UNC5C: variants seen among roughly 807,000 people sequenced by gnomAD.
UNC5C encodes unc-5 netrin receptor C.
In UNC5C, 47 loss-of-function variants were observed where a neutral mutation model predicts 99.8. The observed-to-expected ratio is 0.47, with a 90% CI of 0.37 to 0.60. The LOEUF (loss-of-function observed/expected upper bound fraction) is 0.60, where lower values mean the gene tolerates loss of function less well. UNC5C is among the 20% of genes least tolerant of loss of function. The pLI is 0.00. For missense variants in UNC5C, 1,062 were observed against 1,165.9 expected (o/e 0.91, Z 1.30); for synonymous variants, 487 against 452.2 (o/e 1.08, Z -0.98).
At chr4:95,342,646 G>A (rs1560795414) in intron 1 of UNC5C, among the ~76,000 whole-genome samples, 1 of 151,740 alleles carries the variant, frequency 6.6e-6, no homozygotes, top group Admixed American at 6.6e-5. Flanking sequence ...GAAAAAGGGA[G>A]GGAAGAGTAA....
At chr4:95,182,756 A>G (rs1352359871) in intron 14 of UNC5C, 141 bp downstream of exon 14, 6 of 832,288 alleles carry the variant, frequency 7.2e-6, no homozygotes, top group Non-Finnish European at 1.0e-5. Context: ...TACAAATATT[A>G]TTCTATTAAC....
intron 4 of UNC5C, among the ~76,000 whole-genome samples, chr4:95,257,047 C>T (rs1210581742): frequency 6.6e-6 from 1 of 152,062 alleles, no homozygotes; most frequent in Non-Finnish European, 1.5e-5. Flanking sequence ...ATGTTAATTT[C>T]CTTTGGCAAC....
chr4:95,178,617 C>CTGAT (rs749696782), intron 14 of UNC5C, among the ~76,000 whole-genome samples: 21 of 152,328 alleles, frequency 1.4e-4, no homozygotes, highest in South Asian at 2.1e-4. Flanking sequence ...AAGCCAACCT[C>CTGAT]TGATAGAAGC....
intron 1 of UNC5C, among the ~76,000 whole-genome samples, chr4:95,358,254 T>C (rs1327219680): frequency 3.3e-5 from 5 of 152,200 alleles, no homozygotes; most frequent in Non-Finnish European, 7.3e-5. Context: ...TCTAGATCCA[T>C]GTGTGTCCTT....
chr4:95,296,998 G>C (rs567543562), intron 3 of UNC5C, among the ~76,000 whole-genome samples: 1 of 152,310 alleles, frequency 6.6e-6, no homozygotes, highest in African/African-American at 2.4e-5. Flanking sequence ...ACCCTCAGTG[G>C]TGCAGAGCTG....
intron 1 of UNC5C, among the ~76,000 whole-genome samples, chr4:95,430,704 G>C (rs911124953): frequency 1.3e-5 from 2 of 152,052 alleles, no homozygotes; most frequent in East Asian, 3.9e-4. Flanking sequence ...GTTACTTCAT[G>C]ACCTGTTTTT....
At chr4:95,468,804 C>T (rs924367083) in intron 1 of UNC5C, among the ~76,000 whole-genome samples, 4 of 151,940 alleles carry the variant, frequency 2.6e-5, no homozygotes, top group African/African-American at 4.8e-5. Context: ...TTGACACCTT[C>T]GGTGTTGAAC....
chr4:95,255,003 T>G (rs992274533), intron 4 of UNC5C, among the ~76,000 whole-genome samples: 2 of 152,050 alleles, frequency 1.3e-5, no homozygotes, highest in African/African-American at 2.4e-5. Context: ...TTTGTTTTTT[T>G]TTTTTAAGAC....
intron 1 of UNC5C, among the ~76,000 whole-genome samples, chr4:95,453,181 C>T (rs1747324648): frequency 6.6e-6 from 1 of 152,004 alleles, no homozygotes; most frequent in African/African-American, 2.4e-5. Context: ...ATGCTTTGGG[C>T]AAGGTGCTGG....
At chr4:95,432,168 T>A (rs1746652564) in intron 1 of UNC5C, among the ~76,000 whole-genome samples, 1 of 152,110 alleles carries the variant, frequency 6.6e-6, no homozygotes, top group African/African-American at 2.4e-5. Flanking sequence ...TGGTGTTGAT[T>A]CTTAGATTTT....
chr4:95,270,588 G>C (rs1237989486), intron 4 of UNC5C, among the ~76,000 whole-genome samples: 3 of 152,100 alleles, frequency 2.0e-5, no homozygotes, highest in Non-Finnish European at 4.4e-5. Context: ...TGCTTTTGAG[G>C]GTTGAACATA....
In UNC5C at chr4:95,165,135, T is replaced by C. The variant is rs2149340916; in HGVS notation, c.*4099A>G. On this transcript the variant is annotated 3_prime_UTR_variant, in exon 16 of 16. Coordinates refer to ENST00000453304, the MANE Select transcript of UNC5C (RefSeq NM_003728.4). The stretch of plus-strand genomic sequence containing the variant: ...TGCCAGGAGAAGTGAAAAGTCTTGA[T>C]TCCACCCTCAAAACGTTGACTTTTC... 6.6e-6 allele frequency: 1 copy of C among 152,268 alleles called. No homozygotes were observed. Among genetic ancestry groups the C allele is most frequent in the East Asian group, 1.9e-4 (1 of 5,170 alleles). The allele number at this position is 152,268 out of a possible 1,614,324, so 9.4% of individuals were successfully genotyped here.
chr4:95,426,023 A>G lies in UNC5C; in HGVS notation c.125-90392T>C, dbSNP rs536348821. ...TCCAAAAGAAGTTAGAAATAGGCATACTTGATTTTATTGCACTTTTCTTTA... is the reference window on the plus strand; with the variant it reads ...TCCAAAAGAAGTTAGAAATAGGCATGCTTGATTTTATTGCACTTTTCTTTA... On this transcript the variant is annotated intron_variant, in intron 1 of 15. Coordinates refer to ENST00000453304, the MANE Select transcript of UNC5C (RefSeq NM_003728.4). 3.7e-4 allele frequency among the ~76,000 whole-genome samples: 56 copies of G among 152,308 alleles called. 1 individual carries two copies. The South Asian group carries it at 9.9e-3, about 27-fold the overall frequency.
chr4:95,410,562 T>C (rs572695295), intron 1 of UNC5C, among the ~76,000 whole-genome samples: 6 of 152,296 alleles, frequency 3.9e-5, no homozygotes, highest in Admixed American at 2.6e-4. Flanking sequence ...AGAGCTGAAG[T>C]GCAGGCAAAA....
At chr4:95,276,384 A>T (rs1202058762) in intron 4 of UNC5C, among the ~76,000 whole-genome samples, 1 of 152,160 alleles carries the variant, frequency 6.6e-6, no homozygotes, top group African/African-American at 2.4e-5. Context: ...CCTAGTGATG[A>T]TACAAATAGA....
chr4:95,221,345 GGAGA>G (rs2149368821), intron 7 of UNC5C, among the ~76,000 whole-genome samples: 1 of 152,160 alleles, frequency 6.6e-6, no homozygotes, highest in South Asian at 2.1e-4. Flanking sequence ...CATTTTTCAG[GGAGA>G]GAGAACTTTC....
chr4:95,540,065 AG>A (rs1722878505), intron 1 of UNC5C, among the ~76,000 whole-genome samples: 1 of 152,190 alleles, frequency 6.6e-6, no homozygotes, highest in African/African-American at 2.4e-5. Context: ...GGAGTAGCTT[AG>A]GAAGTAGCAT....
chr4:95,425,870 A>ATTTTTTAAATT (rs1368749425), intron 1 of UNC5C, among the ~76,000 whole-genome samples: 11 of 152,132 alleles, frequency 7.2e-5, no homozygotes, highest in Admixed American at 7.2e-4. Flanking sequence ...AATTTTAATA[A>ATTTTTTAAATT]TTTCTTCAGC....
At chr4:95,451,050 ATT>A (rs1747266592) in intron 1 of UNC5C, among the ~76,000 whole-genome samples, 1 of 152,220 alleles carries the variant, frequency 6.6e-6, no homozygotes. Context: ...TAAAAACTAC[ATT>A]TGTTTCATAA....
Sources: gnomAD v4.1 joint callset for allele counts (sites outside exome capture counted in the v4.1 genomes callset) on GRCh38, gnomAD v4.1.1 for gene constraint, MANE v1.5 for transcripts, NCBI Gene and HGNC (gene_info 2026-07-23, HGNC 2026-07-21) for gene names.